Variants in WNT7A observed in about 807,000 individuals in gnomAD.
WNT7A encodes the protein Wnt family member 7A, also known as protein Wnt-7a.
WNT7A carries 16 observed loss-of-function variants against 28.2 expected under a neutral mutation model. The observed-to-expected ratio is 0.57, with a 90% confidence interval of 0.38 to 0.86. The LOEUF is 0.86. WNT7A is among the 40% of genes least tolerant of loss of function. The pLI, the probability that WNT7A is intolerant of heterozygous loss-of-function variation, is 0.00. For synonymous variants in WNT7A, 190 were observed against 195.9 expected, an observed-to-expected ratio of 0.97 and a Z score of 0.25; for missense variants, 411 against 489.7, an observed-to-expected ratio of 0.84 and a Z score of 1.52.
intron 3 of WNT7A, among the ~76,000 whole-genome samples, chr3:13,833,609 C>G (rs556004096): frequency 6.6e-6 from 1 of 152,218 alleles, no homozygotes; most frequent in Non-Finnish European, 1.5e-5. Context: ...CATAAGTGAC[C>G]TCCCTGCAGG....
At chr3:13,868,637 AG>A (rs1575074119) in intron 2 of WNT7A, among the ~76,000 whole-genome samples, 2 of 15,674 alleles carry the variant, frequency 1.3e-4, no homozygotes, top group Non-Finnish European at 2.7e-4. Flanking sequence ...AAAGAAAGAG[AG>A]AGGAGAAAGA....
chr3:13,878,543 G>A (rs1258039383), intron 1 of WNT7A, among the ~76,000 whole-genome samples: 1 of 152,152 alleles, frequency 6.6e-6, no homozygotes, highest in Non-Finnish European at 1.5e-5. Context: ...GGCGGCCCCT[G>A]GTCGGCTCTG....
At chr3:13,879,061 C>T (rs543793576) in intron 1 of WNT7A, among the ~76,000 whole-genome samples, 1 of 152,224 alleles carries the variant, frequency 6.6e-6, no homozygotes, top group African/African-American at 2.4e-5. Context: ...GCTTGTCTCC[C>T]TCTGTGTCTC....
chr3:13,821,563 T>C (rs556154639), intron 3 of WNT7A, among the ~76,000 whole-genome samples: 10 of 152,328 alleles, frequency 6.6e-5, no homozygotes, highest in African/African-American at 2.2e-4. Context: ...AGCGTGTGCA[T>C]TTCAGTGGAA....
intron 2 of WNT7A, among the ~76,000 whole-genome samples, chr3:13,856,282 C>A (rs1694729105): frequency 6.6e-6 from 1 of 152,260 alleles, no homozygotes; most frequent in Admixed American, 6.5e-5. Context: ...CTGTCCGCAT[C>A]TCAGTCTGGA....
intron 1 of WNT7A, 72 bp downstream of exon 1, chr3:13,879,674 C>A (rs2124883386): frequency 3.3e-6 from 5 of 1,521,192 alleles, no homozygotes; most frequent in South Asian, 1.2e-5. Flanking sequence ...GGCTCGCAGG[C>A]GGCACACCTC....
At chr3:13,827,088 C>G (rs1240811384) in intron 3 of WNT7A, among the ~76,000 whole-genome samples, 1 of 152,196 alleles carries the variant, frequency 6.6e-6, no homozygotes, top group East Asian at 1.9e-4. Context: ...TGACCCAGGA[C>G]AGAGTGAGCA....
At chr3:13,877,976 T>C (rs1045960926) in intron 1 of WNT7A, among the ~76,000 whole-genome samples, 1 of 152,224 alleles carries the variant, frequency 6.6e-6, no homozygotes, top group African/African-American at 2.4e-5. Context: ...TCACCCCTCA[T>C]GTCCACTATA....
chr3:13,854,489 C>T (rs375377018), intron 3 of WNT7A, 43 bp downstream of exon 3: 152 of 1,612,966 alleles, frequency 9.4e-5, no homozygotes, highest in Non-Finnish European at 1.2e-4. Flanking sequence ...CATTTTGCAG[C>T]ATCTCCGCGA....
intron 2 of WNT7A, among the ~76,000 whole-genome samples, chr3:13,857,766 C>T (rs1025884173): frequency 2.0e-5 from 3 of 152,072 alleles, no homozygotes; most frequent in Non-Finnish European, 4.4e-5. Flanking sequence ...CCCTCAAGGA[C>T]GTGAGAGAAA....
At chr3:13,829,434 C>T (rs1021898362) in intron 3 of WNT7A, among the ~76,000 whole-genome samples, 5 of 152,194 alleles carry the variant, frequency 3.3e-5, no homozygotes, top group African/African-American at 1.2e-4. Context: ...CTCTTTGCGG[C>T]CTGGCACCAG....
In WNT7A at chr3:13,868,465, A is replaced by T. The variant is rs561986800; in HGVS notation, c.298+6482T>A. On this transcript the variant is annotated intron_variant, in intron 2 of 3. Coordinates refer to ENST00000285018, the MANE Select transcript of WNT7A (RefSeq NM_004625.4). ...ACTACAGCCTGGGTGACAGAGAGAGACCCTGTCAGAAAAGGAAAGAACGAA... is the reference window on the plus strand; with the variant it reads ...ACTACAGCCTGGGTGACAGAGAGAGTCCCTGTCAGAAAAGGAAAGAACGAA... Among the ~76,000 whole-genome samples, 37 of 148,660 alleles carry T rather than the reference A, an allele frequency of 2.5e-4. 1 individual carries two copies. The East Asian group carries it at 7.3e-3, about 29-fold the overall frequency.
intron 2 of WNT7A, among the ~76,000 whole-genome samples, chr3:13,869,431 GAAGA>G (rs1213991670): frequency 3.9e-5 from 3 of 77,762 alleles, no homozygotes; most frequent in Admixed American, 1.6e-4. Flanking sequence ...ACAAAGAAAA[GAAGA>G]AAGAAAAGAA....
At chr3:13,858,465 G>A (rs1174305019) in intron 2 of WNT7A, among the ~76,000 whole-genome samples, 2 of 152,204 alleles carry the variant, frequency 1.3e-5, no homozygotes, top group Non-Finnish European at 2.9e-5. Context: ...TGATGGTGCA[G>A]ATGGTGAGAA....
Position 13,875,173 on chromosome 3 carries a change from A to G in WNT7A, c.72T>C (p.Gly24=), listed in dbSNP as rs1224518269. The G allele has an allele frequency of 1.9e-6, 3 of 1,613,868 alleles. No individual in the cohort carries two copies. The highest frequency in any genetic ancestry group is 3.3e-5 in the Admixed American group (2 of 60,010). ...LSLGMVYLRI[G]GFSSVVALGA... is the part of the protein sequence containing the mutation. The stretch of plus-strand genomic sequence containing the variant: ...CCAGAGCTACCACTGAGGAGAAGCC[A>G]CTGGAGGGAGAGACACAGAGAGATG... The change falls in exon 2 of 4, where the codon GGT becomes GGC. Residue 24 remains glycine (G), a splice_region_variant and synonymous_variant. Coordinates refer to ENST00000285018, the MANE Select transcript of WNT7A (RefSeq NM_004625.4).
chr3:13,862,535 G>A (rs550321932), intron 2 of WNT7A, among the ~76,000 whole-genome samples: 117 of 152,364 alleles, frequency 7.7e-4, no homozygotes, highest in African/African-American at 2.7e-3. Context: ...ATGGAAAAAG[G>A]TTGCGCTTGC....
chr3:13,834,775 T>C (rs1345068206), intron 3 of WNT7A, among the ~76,000 whole-genome samples: 5 of 152,184 alleles, frequency 3.3e-5, no homozygotes, highest in African/African-American at 1.2e-4. Context: ...TTCCCGCCCC[T>C]GCCCCGGCTT....
intron 3 of WNT7A, 151 bp downstream of exon 3, chr3:13,854,381 C>G (rs1694691991): frequency 7.7e-7 from 1 of 1,300,940 alleles, no homozygotes; most frequent in South Asian, 1.2e-5. Flanking sequence ...CAAATCCTGA[C>G]CAGCTACAAG....
In WNT7A at chr3:13,818,709, G is replaced by C; in HGVS notation, c.*235C>G. 1 of 479,574 alleles carries C rather than the reference G, an allele frequency of 2.1e-6. No individual in the cohort carries two copies. Among genetic ancestry groups the C allele is most frequent in the Non-Finnish European group, 3.4e-6 (1 of 294,328 alleles). The allele number at this position is 479,574 out of a possible 1,614,324, so 29.7% of individuals were successfully genotyped here. On this transcript the variant is annotated 3_prime_UTR_variant, in exon 4 of 4. Coordinates refer to ENST00000285018, the MANE Select transcript of WNT7A (RefSeq NM_004625.4). ...TGCAGAAGGCTTCGCTCCAGCCGCG[G>C]AGGGACCTGGGCTGTGTCTGGGGGA...
Sources: allele counts gnomAD v4.1 joint callset (sites outside exome capture counted in the v4.1 genomes callset), GRCh38; gene constraint gnomAD v4.1.1; transcripts MANE v1.5; gene names NCBI Gene and HGNC (gene_info 2026-07-23, HGNC 2026-07-21).